ATG5: variants seen among roughly 807,000 people sequenced by gnomAD.
The protein encoded by ATG5 is autophagy protein 5.
A neutral mutation model predicts 36.5 loss-of-function variants in ATG5; 14 were observed. That is an observed-to-expected ratio of 0.38 (90% CI 0.25 to 0.60). ATG5 has a LOEUF of 0.60. ATG5 is among the 20% of genes least tolerant of loss of function. ATG5 has a pLI of 0.60. For missense variants in ATG5, 195 were observed against 326.7 expected (o/e 0.60, Z 3.11); for synonymous variants, 95 against 101.5 (o/e 0.94, Z 0.38).
intron 5 of ATG5, among the ~76,000 whole-genome samples, chr6:106,273,266 G>C (rs2114585498): frequency 6.6e-6 from 1 of 152,310 alleles, no homozygotes; most frequent in South Asian, 2.1e-4. Flanking sequence ...TACACAGGTA[G>C]TAGCTGCATC....
At chr6:106,199,748 T>C (rs1776347272) in intron 7 of ATG5, among the ~76,000 whole-genome samples, 1 of 152,242 alleles carries the variant, frequency 6.6e-6, no homozygotes, top group Non-Finnish European at 1.5e-5. Flanking sequence ...GATAGTATTA[T>C]AATCAACTTA....
intron 4 of ATG5, among the ~76,000 whole-genome samples, chr6:106,284,374 G>A (rs1266670573): frequency 1.3e-5 from 2 of 151,472 alleles, no homozygotes; most frequent in Non-Finnish European, 2.9e-5. Flanking sequence ...TTTTTTTTTG[G>A]AGACAGGGTT....
intron 2 of ATG5, among the ~76,000 whole-genome samples, chr6:106,309,316 A>G (rs1640763769): frequency 6.6e-6 from 1 of 152,152 alleles, no homozygotes; most frequent in Non-Finnish European, 1.5e-5. Flanking sequence ...ACAAATATAT[A>G]CAGAAAGAGA....
intron 7 of ATG5, among the ~76,000 whole-genome samples, chr6:106,198,931 GA>G (rs201148064): frequency 1.3e-5 from 2 of 151,758 alleles, no homozygotes; most frequent in South Asian, 2.1e-4. Context: ...AACAATCCAT[GA>G]AAAAAAACAA....
chr6:106,248,782 T>C (rs562560437), intron 5 of ATG5, among the ~76,000 whole-genome samples: 1 of 152,056 alleles, frequency 6.6e-6, no homozygotes, highest in African/African-American at 2.4e-5. Flanking sequence ...CTATTAAAAA[T>C]ACAAAATTAG....
chr6:106,219,534 T>C (rs1777162686), intron 6 of ATG5, among the ~76,000 whole-genome samples: 1 of 152,164 alleles, frequency 6.6e-6, no homozygotes, highest in Admixed American at 6.5e-5. Context: ...TAACAACTAT[T>C]TTCACAGTGT....
chr6:106,202,762 A>T (rs1278281414), intron 6 of ATG5, among the ~76,000 whole-genome samples: 1 of 152,144 alleles, frequency 6.6e-6, no homozygotes, highest in Non-Finnish European at 1.5e-5. Flanking sequence ...TCCAGGTTCA[A>T]GTGATTCTCA....
At chr6:106,316,386 A>C (rs80324027) in intron 1 of ATG5, 120 bp from the exon 2 acceptor site, 3 of 450,926 alleles carry the variant, frequency 6.7e-6, no homozygotes, top group East Asian at 6.9e-5. Flanking sequence ...AAAAAAAAAA[A>C]CGATGATCAC....
At chr6:106,261,563 C>T (rs577769396) in intron 5 of ATG5, among the ~76,000 whole-genome samples, 5 of 152,280 alleles carry the variant, frequency 3.3e-5, no homozygotes, top group African/African-American at 1.2e-4. Context: ...TGATAATTCA[C>T]GTGAAGTACC....
rs986168988 is a variant in ATG5 at position 106,185,835 on chromosome 6, C to G, written c.*705G>C. On this transcript the variant is annotated 3_prime_UTR_variant, in exon 8 of 8. Coordinates refer to ENST00000369076, the MANE Select transcript of ATG5 (RefSeq NM_004849.4). ...ATATCCACCCCATGCCAATGACGAC[C>G]AGTCAAAATGGTAACACAGAGTAAA... 2.0e-5 allele frequency: 3 copies of G among 152,496 alleles called. No homozygotes were observed. Among genetic ancestry groups the G allele is most frequent in the African/African-American group, 2.4e-5 (1 of 41,406 alleles). 9.4% of individuals were successfully genotyped at this position (152,496 alleles called of 1,614,324 possible). A position where few individuals can be genotyped will look rare whatever the true frequency, so the allele number is the denominator to read the frequency against.
rs567016047 is a variant in ATG5 at position 106,219,566 on chromosome 6, T to C, written c.574-17477A>G. Reference sequence around the variant, plus strand: ...GTGTGTACATGTGTATGAAATATTATAAGTAATCTACAGATAATTTAAAGT... The same window carrying C: ...GTGTGTACATGTGTATGAAATATTACAAGTAATCTACAGATAATTTAAAGT... On this transcript the variant is annotated intron_variant, in intron 6 of 7. Coordinates refer to ENST00000369076, the MANE Select transcript of ATG5 (RefSeq NM_004849.4). Among the ~76,000 whole-genome samples, 3 of 152,306 alleles carry C rather than the reference T, an allele frequency of 2.0e-5. No individual in the cohort carries two copies. In the East Asian group the frequency reaches 5.8e-4, roughly 29 times the overall value.
chr6:106,275,062 T>C (rs1442438064), intron 5 of ATG5, among the ~76,000 whole-genome samples: 3 of 152,282 alleles, frequency 2.0e-5, no homozygotes, highest in South Asian at 2.1e-4. Context: ...ATGTCAGATA[T>C]ACACAAGGTG....
intron 5 of ATG5, among the ~76,000 whole-genome samples, chr6:106,263,101 ACT>A (rs1779091721): frequency 1.3e-5 from 2 of 151,834 alleles, no homozygotes; most frequent in African/African-American, 4.8e-5. Flanking sequence ...CTGGCTTGAA[ACT>A]CTCACTGCCA....
intron 1 of ATG5, among the ~76,000 whole-genome samples, chr6:106,320,593 A>G (rs1327353428): frequency 6.6e-6 from 1 of 151,294 alleles, no homozygotes; most frequent in Non-Finnish European, 1.5e-5. Context: ...TGTGAAGTGG[A>G]ATTAATATTA....
At chr6:106,309,958 G>A (rs2114668325) in intron 2 of ATG5, among the ~76,000 whole-genome samples, 1 of 152,190 alleles carries the variant, frequency 6.6e-6, no homozygotes, top group African/African-American at 2.4e-5. Context: ...TAATGGGTAT[G>A]GATATATCAG....
At chr6:106,215,248 A>G (rs1390047549) in intron 6 of ATG5, among the ~76,000 whole-genome samples, 2 of 152,192 alleles carry the variant, frequency 1.3e-5, no homozygotes, top group Non-Finnish European at 2.9e-5. Context: ...TGACCTCAAA[A>G]GTGAAATTCT....
intron 6 of ATG5, among the ~76,000 whole-genome samples, chr6:106,232,263 G>T (rs546456): frequency 0.63 from 95,196 of 151,908 alleles, 31,913 homozygotes; most frequent in African/African-American, 0.88. Flanking sequence ...GTCCTCCAGA[G>T]CTGTCACTAT....
intron 6 of ATG5, among the ~76,000 whole-genome samples, chr6:106,210,896 T>G (rs1312661028): frequency 2.6e-5 from 4 of 152,200 alleles, no homozygotes; most frequent in Non-Finnish European, 5.9e-5. Context: ...TAAATGTGAC[T>G]TGACTCTCAA....
At chr6:106,204,439 C>T (rs1776554851) in intron 6 of ATG5, among the ~76,000 whole-genome samples, 1 of 152,048 alleles carries the variant, frequency 6.6e-6, no homozygotes, top group Non-Finnish European at 1.5e-5. Context: ...ATTCACTTCA[C>T]TATTTGAACT....
Sources: gnomAD v4.1 joint callset for allele counts (sites outside exome capture counted in the v4.1 genomes callset) on GRCh38, gnomAD v4.1.1 for gene constraint, MANE v1.5 for transcripts, NCBI Gene and HGNC (gene_info 2026-07-23, HGNC 2026-07-21) for gene names.